The following ALDH1L1 variants were observed in gnomAD, a reference collection of about 807,000 sequenced individuals.
The protein encoded by ALDH1L1 is aldehyde dehydrogenase 1 family member L1.
A neutral mutation model predicts 101.1 loss-of-function variants in ALDH1L1; 68 were observed. That is an observed-to-expected ratio of 0.67 (90% CI 0.55 to 0.82). The LOEUF (loss-of-function observed/expected upper bound fraction) is 0.82, where lower values mean the gene tolerates loss of function less well. ALDH1L1 is among the 40% of genes least tolerant of loss of function. The probability of loss-of-function intolerance (pLI) is 0.00; values close to 1 mark genes in which losing one functional copy is unlikely to be tolerated. For missense variants in ALDH1L1, 1,087 were observed against 1,172.7 expected (o/e 0.93, Z 1.07); for synonymous variants, 486 against 470.8 (o/e 1.03, Z -0.42).
At chr3:126,109,126 A>T (rs933411347) in intron 20 of ALDH1L1, among the ~76,000 whole-genome samples, 1 of 152,238 alleles carries the variant, frequency 6.6e-6, no homozygotes, top group African/African-American at 2.4e-5. Context: ...GAGAAGAGTC[A>T]GGGATTCCTT....
In ALDH1L1 at chr3:126,137,874, A is replaced by C. The variant is rs778072402; in HGVS notation, c.1163T>G (p.Ile388Ser). The C allele has an allele frequency of 6.2e-7, 1 of 1,614,214 alleles. No homozygotes were observed. Among genetic ancestry groups the C allele is most frequent in the South Asian group, 1.1e-5 (1 of 91,074 alleles). The change falls in exon 10 of 23, where the codon ATC (isoleucine) becomes AGC (serine). Residue 388 changes from isoleucine (I) to serine (S), a missense_variant. Ile to Ser is a moderately radical substitution (Grantham distance 142, BLOSUM62 -2). This residue lies in a region of ALDH1L1 where 645 missense variants were observed against 637.0 expected (regional missense o/e 1.01). Coordinates refer to ENST00000393434, the MANE Select transcript of ALDH1L1 (RefSeq NM_012190.4). ...VYMASTFGDF[I>S]QLLVRKLRGD... ...TCGCAGCTTCCTCACTAACAGCTGG[A>C]TGAAGTCCCCAAAGGTGGATGCCAT...
intron 1 of ALDH1L1, among the ~76,000 whole-genome samples, chr3:126,171,913 A>G (rs781547336): frequency 1.8e-4 from 27 of 152,156 alleles, no homozygotes; most frequent in Admixed American, 6.5e-4. Flanking sequence ...TACTACATCC[A>G]CAGGGCTCCA....
chr3:126,111,659 A>G (rs1281373981), intron 19 of ALDH1L1, among the ~76,000 whole-genome samples: 1 of 152,138 alleles, frequency 6.6e-6, no homozygotes, highest in Non-Finnish European at 1.5e-5. Context: ...CAGGTCCAGC[A>G]CCAGCTCTCC....
intron 7 of ALDH1L1, chr3:126,150,748 C>T (rs548515232): frequency 8.5e-5 from 36 of 421,668 alleles, no homozygotes; most frequent in African/African-American, 3.3e-4. Context: ...TTAGTAGAGA[C>T]GGGGTTTCAC....
At chr3:126,178,098 G>T (rs1310884849) in intron 1 of ALDH1L1, among the ~76,000 whole-genome samples, 1 of 149,160 alleles carries the variant, frequency 6.7e-6, no homozygotes, top group Non-Finnish European at 1.5e-5. Flanking sequence ...AAAAATAGGG[G>T]AGGCCAGGCC....
intron 19 of ALDH1L1, chr3:126,110,399 A>G (rs1946041568): frequency 6.7e-6 from 3 of 449,256 alleles, no homozygotes; most frequent in Non-Finnish European, 1.2e-5. Context: ...GGCATATTTG[A>G]CTAGTTGAGA....
At chr3:126,170,424 TAAA>T (rs59239455) in intron 1 of ALDH1L1, among the ~76,000 whole-genome samples, 6 of 121,198 alleles carry the variant, frequency 5.0e-5, no homozygotes, top group Non-Finnish European at 3.4e-5. Context: ...TGCCTGTCAT[TAAA>T]AAAAAAAAAA....
At chr3:126,116,804 T>C (rs2108200350) in intron 17 of ALDH1L1, among the ~76,000 whole-genome samples, 1 of 152,288 alleles carries the variant, frequency 6.6e-6, no homozygotes, top group African/African-American at 2.4e-5. Context: ...ACCCCTGCAC[T>C]ATCAAACTGC....
intron 10 of ALDH1L1, among the ~76,000 whole-genome samples, chr3:126,137,469 A>G (rs2080470961): frequency 6.6e-6 from 1 of 152,204 alleles, no homozygotes; most frequent in Admixed American, 6.5e-5. Context: ...ACAGATTTTC[A>G]ATTACTTGTC....
chr3:126,145,724 C>T (rs867633133), intron 9 of ALDH1L1, among the ~76,000 whole-genome samples: 15 of 152,064 alleles, frequency 9.9e-5, no homozygotes, highest in Admixed American at 3.9e-4. Flanking sequence ...TTTAGTTGTG[C>T]GAGAAAAAGT....
At chr3:126,126,451 G>C (rs2080186706) in intron 14 of ALDH1L1, among the ~76,000 whole-genome samples, 1 of 152,186 alleles carries the variant, frequency 6.6e-6, no homozygotes, top group African/African-American at 2.4e-5. Flanking sequence ...ACAGGCTCCT[G>C]TCGCCACCCC....
At chr3:126,132,342 C>T (rs10934748) in intron 12 of ALDH1L1, among the ~76,000 whole-genome samples, 96,505 of 152,024 alleles carry the variant, frequency 0.63, 30,738 homozygotes, top group Middle Eastern at 0.7. Context: ...GAAGCCCACA[C>T]GCACCCCAGG....
chr3:126,153,709 T>A, intron 6 of ALDH1L1, 128 bp from the exon 7 acceptor site: 1 of 1,225,012 alleles, frequency 8.2e-7, no homozygotes, highest in South Asian at 1.6e-5. Context: ...GGGAGCCGGC[T>A]CAAAGCCCAT....
intron 1 of ALDH1L1, among the ~76,000 whole-genome samples, chr3:126,190,390 G>T (rs11924222): frequency 6.6e-6 from 1 of 152,090 alleles, no homozygotes; most frequent in Non-Finnish European, 1.5e-5. Context: ...TTGGATCACC[G>T]TAATGAGCTA....
chr3:126,139,199 T>C (rs2080515151), intron 9 of ALDH1L1, among the ~76,000 whole-genome samples: 2 of 152,250 alleles, frequency 1.3e-5, no homozygotes, highest in Admixed American at 6.5e-5. Context: ...CCTCACAGGC[T>C]GAAGTAGCTT....
At chr3:126,148,011 C>G (rs1447995541) in intron 8 of ALDH1L1, among the ~76,000 whole-genome samples, 1 of 152,180 alleles carries the variant, frequency 6.6e-6, no homozygotes, top group Non-Finnish European at 1.5e-5. Flanking sequence ...TCACCTCTTC[C>G]CCAAAACCTT....
chr3:126,162,500 G>GT (rs1188902628), intron 1 of ALDH1L1, among the ~76,000 whole-genome samples: 3 of 151,988 alleles, frequency 2.0e-5, no homozygotes, highest in South Asian at 2.1e-4. Context: ...TCTTTTGTCT[G>GT]TTTTTTTCCA....
At chr3:126,160,802 G>A in intron 2 of ALDH1L1, 51 bp downstream of exon 2, 1 of 1,597,158 alleles carries the variant, frequency 6.3e-7, no homozygotes, top group Non-Finnish European at 8.5e-7. Context: ...CCTTCTACCT[G>A]GATGGGCGGG....
At chr3:126,166,849 T>C (rs2081177379) in intron 1 of ALDH1L1, among the ~76,000 whole-genome samples, 1 of 152,154 alleles carries the variant, frequency 6.6e-6, no homozygotes, top group Admixed American at 6.5e-5. Context: ...CTAGCATTAG[T>C]TTATACACTA....
Sources: gnomAD v4.1 joint callset for allele counts (sites outside exome capture counted in the v4.1 genomes callset) on GRCh38, gnomAD v4.1.1 for gene constraint, gnomAD v4.1.1 regional missense constraint, MANE v1.5 for transcripts, NCBI Gene and HGNC (gene_info 2026-07-23, HGNC 2026-07-21) for gene names.